Variants in EPHA3 observed in about 807,000 individuals in gnomAD.
EPHA3 encodes the protein EPH receptor A3.
In EPHA3, 42 loss-of-function variants were observed where a neutral mutation model predicts 107.1. The ratio of observed to expected loss-of-function variants is 0.39; its 90% CI spans 0.31 to 0.51. The LOEUF (loss-of-function observed/expected upper bound fraction) is 0.51, where lower values mean the gene tolerates loss of function less well. EPHA3 is among the 20% of genes least tolerant of loss of function. EPHA3 has a pLI of 0.78. For synonymous variants in EPHA3, 461 were observed against 424.8 expected (o/e 1.09, Z -1.05); for missense variants, 1,183 against 1,211.2 (o/e 0.98, Z 0.35).
At chr3:89,128,812 GTTTTC>G (rs1704143731) in intron 2 of EPHA3, among the ~76,000 whole-genome samples, 2 of 151,946 alleles carry the variant, frequency 1.3e-5, no homozygotes, top group African/African-American at 4.8e-5. Flanking sequence ...TCTGGCTTAT[GTTTTC>G]CTTTAAAGAA....
chr3:89,113,669 G>A (rs1576157750), intron 1 of EPHA3, among the ~76,000 whole-genome samples: 1 of 151,782 alleles, frequency 6.6e-6, no homozygotes, highest in Non-Finnish European at 1.5e-5. Context: ...CATTTATCAC[G>A]TAAAACATCT....
At chr3:89,327,591 T>C (rs1210369345) in intron 3 of EPHA3, among the ~76,000 whole-genome samples, 3 of 152,164 alleles carry the variant, frequency 2.0e-5, no homozygotes, top group Non-Finnish European at 2.9e-5. Flanking sequence ...ACAAAAGTGT[T>C]ATTGGTTTGT....
chr3:89,252,744 A>T (rs1343273838), intron 3 of EPHA3, among the ~76,000 whole-genome samples: 1 of 151,950 alleles, frequency 6.6e-6, no homozygotes, highest in Non-Finnish European at 1.5e-5. Context: ...TTAAAATATT[A>T]TTCAAGTTTT....
chr3:89,201,345 A>G (rs972933808), intron 2 of EPHA3, among the ~76,000 whole-genome samples: 22 of 152,212 alleles, frequency 1.4e-4, no homozygotes, highest in African/African-American at 5.1e-4. Flanking sequence ...CGTGAGAGTT[A>G]GGTGGGGACA....
intron 3 of EPHA3, among the ~76,000 whole-genome samples, chr3:89,235,748 A>G (rs1174938230): frequency 2.0e-5 from 3 of 151,940 alleles, no homozygotes; most frequent in Non-Finnish European, 4.4e-5. Context: ...TGAATTCTTA[A>G]CACCACAATT....
chr3:89,273,303 G>T (rs550574526), intron 3 of EPHA3, among the ~76,000 whole-genome samples: 1 of 151,960 alleles, frequency 6.6e-6, no homozygotes, highest in Non-Finnish European at 1.5e-5. Flanking sequence ...AAGGCAGTAG[G>T]AATGTAAGTC....
In EPHA3 at chr3:89,318,548, C is replaced by A. The variant is rs905473646; in HGVS notation, c.815-22368C>A. 4.0e-5 allele frequency among the ~76,000 whole-genome samples: 6 copies of A among 151,770 alleles called. No homozygotes were observed. In the Admixed American group the frequency reaches 4.0e-4, roughly 10 times the overall value. ...CCCTCAATCATTTGCACATAATAAT[C>A]CAATAAAGTATCAAAGTTTGCAGTA... On this transcript the variant is annotated intron_variant, in intron 3 of 16. Transcript: ENST00000336596.
chr3:89,328,075 G>A (rs1707207726), intron 3 of EPHA3, among the ~76,000 whole-genome samples: 1 of 151,966 alleles, frequency 6.6e-6, no homozygotes, highest in South Asian at 2.1e-4. Flanking sequence ...TCCAGCCTGG[G>A]TGATAGAGTG....
intron 2 of EPHA3, among the ~76,000 whole-genome samples, chr3:89,169,711 ACTTCT>A (rs1363978097): frequency 3.9e-5 from 6 of 152,234 alleles, no homozygotes; most frequent in African/African-American, 7.2e-5. Flanking sequence ...ATAAAGAGAC[ACTTCT>A]CTTAAGTTCT....
intron 3 of EPHA3, among the ~76,000 whole-genome samples, chr3:89,323,401 T>C (rs1171067142): frequency 6.6e-6 from 1 of 152,144 alleles, no homozygotes; most frequent in Non-Finnish European, 1.5e-5. Flanking sequence ...AGCCAAGATT[T>C]GAACCTGAGC....
chr3:89,242,589 C>T (rs1704928035), intron 3 of EPHA3, among the ~76,000 whole-genome samples: 1 of 151,914 alleles, frequency 6.6e-6, no homozygotes, highest in South Asian at 2.1e-4. Context: ...GGGCGCCCAC[C>T]ACCACACCTG....
intron 16 of EPHA3, among the ~76,000 whole-genome samples, chr3:89,477,856 TG>T (rs1267171546): frequency 6.6e-6 from 1 of 151,094 alleles, no homozygotes; most frequent in Non-Finnish European, 1.5e-5. Flanking sequence ...CCAGTTCACA[TG>T]GAATTTACCT....
At chr3:89,251,412 CAAATA>C (rs1317308125) in intron 3 of EPHA3, among the ~76,000 whole-genome samples, 2 of 151,654 alleles carry the variant, frequency 1.3e-5, no homozygotes, top group African/African-American at 4.8e-5. Flanking sequence ...AATTCTGGGC[CAAATA>C]AATTTATCAT....
chr3:89,414,451 CA>C (rs1471400036), intron 10 of EPHA3, among the ~76,000 whole-genome samples: 6 of 151,574 alleles, frequency 4.0e-5, no homozygotes, highest in African/African-American at 1.5e-4. Flanking sequence ...GATCCAGTGC[CA>C]AAACAGATAT....
At chr3:89,424,890 C>T (rs1709426347) in intron 11 of EPHA3, among the ~76,000 whole-genome samples, 1 of 151,320 alleles carries the variant, frequency 6.6e-6, no homozygotes. Context: ...ATTTTTCAAG[C>T]AGCTGAAAGT....
intron 1 of EPHA3, among the ~76,000 whole-genome samples, chr3:89,118,943 A>C (rs1707316784): frequency 6.6e-6 from 1 of 151,954 alleles, no homozygotes; most frequent in African/African-American, 2.4e-5. Flanking sequence ...CCCAGAACAG[A>C]GTCCCTGAGA....
At position 89,367,992 on chromosome 3, in the gene EPHA3, G is replaced by A. The variant is rs112421276; in HGVS notation, c.1306+25902G>A. Among the ~76,000 whole-genome samples the A allele has an allele frequency of 4.6e-3, 693 of 150,552 alleles. 17 individuals carry two copies. Among genetic ancestry groups the A allele is most frequent in the Middle Eastern group, 0.017 (5 of 292 alleles). ...ACTGCACTCTAGGTTCCTTGAGGGC[G>A]TGACCAAGGCATGGCTCACATTTGT... On this transcript the variant is annotated intron_variant, in intron 5 of 16. Transcript: ENST00000336596.
chr3:89,151,219 C>T (rs186900976), intron 2 of EPHA3, among the ~76,000 whole-genome samples: 1 of 152,124 alleles, frequency 6.6e-6, no homozygotes, highest in Non-Finnish European at 1.5e-5. Flanking sequence ...ACTCTCAAAT[C>T]CATTATCTTT....
At chr3:89,189,166 A>AT (rs1348839262) in intron 2 of EPHA3, among the ~76,000 whole-genome samples, 1 of 152,210 alleles carries the variant, frequency 6.6e-6, no homozygotes, top group African/African-American at 2.4e-5. Flanking sequence ...AATGGGAAGG[A>AT]TTGTCCTTAC....
Sources: gnomAD v4.1 joint callset for allele counts (sites outside exome capture counted in the v4.1 genomes callset) on GRCh38, gnomAD v4.1.1 for gene constraint, MANE v1.5 for transcripts, NCBI Gene and HGNC (gene_info 2026-07-23, HGNC 2026-07-21) for gene names.